Variants in MACROD1 observed in about 807,000 individuals in gnomAD.
MACROD1 encodes the protein mono-ADP ribosylhydrolase 1, also known as ADP-ribose glycohydrolase MACROD1.
MACROD1 carries 31 observed loss-of-function variants against 41.4 expected under a neutral mutation model. That is an observed-to-expected ratio of 0.75 (90% CI 0.56 to 1.01). MACROD1 has a LOEUF of 1.01. MACROD1 is among the 50% of genes least tolerant of loss of function. The pLI is 0.00. For missense variants in MACROD1, 473 were observed against 460.0 expected, an observed-to-expected ratio of 1.03 and a Z score of -0.26; for synonymous variants, 252 against 203.4, an observed-to-expected ratio of 1.24 and a Z score of -2.03.
chr11:64,036,816 C>T lies in MACROD1; in HGVS notation c.518-21535G>A, dbSNP rs1943390627. Among the ~76,000 whole-genome samples, 1 of 152,166 alleles carries T rather than the reference C, an allele frequency of 6.6e-6. No homozygotes were observed. Among genetic ancestry groups the T allele is most frequent in the Non-Finnish European group, 1.5e-5 (1 of 68,006 alleles). The stretch of plus-strand genomic sequence containing the variant: ...CTGGGCGGGGGGCGGCGGGCACCCC[C>T]CATCCCCCAGCTCTCAAGACAAGGA... On this transcript the variant is annotated intron_variant, in intron 3 of 10. Coordinates refer to ENST00000255681, the MANE Select transcript of MACROD1 (RefSeq NM_014067.4). The surrounding 1 kb of genome is among the most constrained non-coding windows in gnomAD (Gnocchi z 5.6).
At position 64,019,503 on chromosome 11, in the gene MACROD1, C is replaced by A. The variant is rs1010903377; in HGVS notation, c.518-4222G>T. Among the ~76,000 whole-genome samples the A allele has an allele frequency of 3.3e-5, 5 of 152,252 alleles. No homozygotes were observed. In the East Asian group the frequency reaches 7.7e-4, roughly 23 times the overall value. On this transcript the variant is annotated intron_variant, in intron 3 of 10. Transcript: ENST00000255681. ...TGCTCCCAGCCTAGTTAGAGGCTAG[C>A]AGGTGGCCGCTGTCCAGCGAAAGGG...
At chr11:64,050,623 C>A (rs1943675361) in intron 3 of MACROD1, among the ~76,000 whole-genome samples, 1 of 152,202 alleles carries the variant, frequency 6.6e-6, no homozygotes, top group African/African-American at 2.4e-5. Context: ...CATGACCCAG[C>A]AGTGACCATG....
At chr11:64,008,567 G>C (rs113610804) in intron 4 of MACROD1, among the ~76,000 whole-genome samples, 1 of 152,164 alleles carries the variant, frequency 6.6e-6, no homozygotes, top group Non-Finnish European at 1.5e-5. Context: ...GCTCGGGCCC[G>C]GGAGCAGCAT....
Position 64,035,717 on chromosome 11 carries a change from T to TCCCCGCCCGCTG in MACROD1, c.518-20437_518-20436insCAGCGGGCGGGG, listed in dbSNP as rs1315321420. On this transcript the variant is annotated intron_variant, in intron 3 of 10. Coordinates refer to ENST00000255681, the MANE Select transcript of MACROD1 (RefSeq NM_014067.4). Reference sequence around the variant, plus strand: ...AGTGCGCAGCGCGGCGCCCCCGTCCTCCTCCCCCTCCCCTCCTCCTCCTCT... The same window carrying TCCCCGCCCGCTG: ...AGTGCGCAGCGCGGCGCCCCCGTCCTCCCCGCCCGCTGCCTCCCCCTCCCCTCCTCCTCCTCT... Among the ~76,000 whole-genome samples the TCCCCGCCCGCTG allele has an allele frequency of 1.1e-3, 29 of 25,888 alleles. 1 individual carries two copies. The East Asian group carries it at 0.02, about 18-fold the overall frequency. The allele number at this position is 25,888 out of a possible 152,430, so 17.0% of individuals were successfully genotyped here. A position where few individuals can be genotyped will look rare whatever the true frequency, so the allele number is the denominator to read the frequency against.
intron 1 of MACROD1, among the ~76,000 whole-genome samples, chr11:64,157,081 C>T (rs537361876): frequency 1.8e-4 from 27 of 152,198 alleles, no homozygotes; most frequent in African/African-American, 1.7e-4. Flanking sequence ...ACATGCCCCA[C>T]GCATTTCTGT....
At chr11:64,060,964 G>C (rs926229842) in intron 3 of MACROD1, among the ~76,000 whole-genome samples, 5 of 151,818 alleles carry the variant, frequency 3.3e-5, no homozygotes, top group Non-Finnish European at 7.4e-5. Flanking sequence ...CGGGGCTCCC[G>C]GGCCGCCAGG....
In MACROD1 at chr11:64,067,309, C is replaced by G. The variant is rs982861274; in HGVS notation, c.518-52028G>C. The stretch of plus-strand genomic sequence containing the variant: ...TTAACACGACATGGCCTCCTCCCCA[C>G]TGCTCAGCCTCTCCCGGAGGATGGT... On this transcript the variant is annotated intron_variant, in intron 3 of 10. Coordinates refer to ENST00000255681, the MANE Select transcript of MACROD1 (RefSeq NM_014067.4). This position sits in a 1 kb window ranked among gnomAD's most constrained non-coding sequence, Gnocchi z 4.6. Among the ~76,000 whole-genome samples, 10 of 152,166 alleles carry G rather than the reference C, an allele frequency of 6.6e-5. No individual in the cohort carries two copies. Among genetic ancestry groups the G allele is most frequent in the Non-Finnish European group, 1.3e-4 (9 of 68,010 alleles).
At chr11:64,023,563 G>A (rs780115077) in intron 3 of MACROD1, among the ~76,000 whole-genome samples, 26 of 152,108 alleles carry the variant, frequency 1.7e-4, no homozygotes, top group African/African-American at 5.1e-4. Context: ...TTTGAACCCC[G>A]CTGCTCCAGG....
chr11:64,079,469 G>A (rs1481958064), intron 3 of MACROD1, among the ~76,000 whole-genome samples: 8 of 152,188 alleles, frequency 5.3e-5, no homozygotes, highest in East Asian at 1.9e-4. Context: ...AGCCGGGCAC[G>A]CAGGGGCAGG....
chr11:64,152,637 G>A (rs958334829), intron 1 of MACROD1, among the ~76,000 whole-genome samples: 3 of 152,176 alleles, frequency 2.0e-5, no homozygotes, highest in Non-Finnish European at 4.4e-5. Context: ...CTCAGGCATC[G>A]CAGACCTGGG....
At chr11:64,056,513 G>C (rs1231344241) in intron 3 of MACROD1, among the ~76,000 whole-genome samples, 5 of 152,244 alleles carry the variant, frequency 3.3e-5, no homozygotes, top group Admixed American at 6.5e-5. Context: ...CGGAGAGACG[G>C]AGCCTGGGTC....
chr11:63,999,995 G>A (rs1048125431), intron 5 of MACROD1: 2 of 643,498 alleles, frequency 3.1e-6, no homozygotes, highest in Admixed American at 3.0e-5. Flanking sequence ...ACCCGAGCGC[G>A]AGTGTGGGCG....
In MACROD1 at chr11:64,129,138, G is replaced by A. The variant is rs538806086; in HGVS notation, c.517+22101C>T. ...CAAACTGTGTTCCTCAGCCCCTGGA[G>A]CTAACACAGGTGTTGCCCAGAAAGG... On this transcript the variant is annotated intron_variant, in intron 3 of 10. Transcript: ENST00000255681. Among the ~76,000 whole-genome samples the A allele has an allele frequency of 3.0e-4, 46 of 152,378 alleles. 1 individual carries two copies. The East Asian group carries it at 8.7e-3, about 29-fold the overall frequency.
intron 3 of MACROD1, among the ~76,000 whole-genome samples, chr11:64,054,984 C>G (rs1225338097): frequency 6.6e-6 from 1 of 152,168 alleles, no homozygotes; most frequent in Non-Finnish European, 1.5e-5. Flanking sequence ...CAGCCCTTTC[C>G]TACCGCCACT....
chr11:64,148,868 C>G (rs981534346), intron 3 of MACROD1: 2 of 985,432 alleles, frequency 2.0e-6, no homozygotes, highest in African/African-American at 3.5e-5. Flanking sequence ...CACCCAGGAC[C>G]CTGGAGGCCT....
At chr11:64,148,696 T>C (rs929363370) in intron 3 of MACROD1, 15 of 979,746 alleles carry the variant, frequency 1.5e-5, no homozygotes, top group African/African-American at 1.4e-4. Flanking sequence ...TAAGCACATA[T>C]GGGTTTCACG....
chr11:64,117,817 T>G (rs773047509), intron 3 of MACROD1: 1 of 1,614,196 alleles, frequency 6.2e-7, no homozygotes, highest in East Asian at 2.2e-5. Flanking sequence ...AATGCCTACG[T>G]AGCTGATGAG....
chr11:64,030,113 C>G (rs1299694472), intron 3 of MACROD1, among the ~76,000 whole-genome samples: 3 of 152,064 alleles, frequency 2.0e-5, no homozygotes, highest in Non-Finnish European at 4.4e-5. Context: ...TCTCTGGCGT[C>G]TGTCTCCCCA....
At chr11:64,149,172 CG>C (rs747814939) in intron 3 of MACROD1, 1 of 267,202 alleles carries the variant, frequency 3.7e-6, no homozygotes, top group Non-Finnish European at 5.8e-6. Context: ...ATGCCCAGAA[CG>C]GCGCTGATGA....
Sources: gnomAD v4.1 joint callset for allele counts (sites outside exome capture counted in the v4.1 genomes callset) on GRCh38, gnomAD v4.1.1 for gene constraint, Gnocchi (gnomAD v3.1) non-coding constraint, MANE v1.5 for transcripts, NCBI Gene and HGNC (gene_info 2026-07-23, HGNC 2026-07-21) for gene names.